The following PLD5 variants were observed in gnomAD, a reference collection of about 807,000 sequenced individuals.
PLD5 encodes the protein inactive phospholipase D5.
PLD5 carries 36 observed loss-of-function variants against 61.1 expected under a neutral mutation model. The ratio of observed to expected loss-of-function variants is 0.59; its 90% CI spans 0.45 to 0.78. The LOEUF is 0.78. PLD5 is among the 30% of genes least tolerant of loss of function. The pLI, the probability that PLD5 is intolerant of heterozygous loss-of-function variation, is 0.00. For missense variants in PLD5, 515 were observed against 644.4 expected (o/e 0.80, Z 2.17); for synonymous variants, 243 against 242.8 (o/e 1.00, Z -0.01).
intron 1 of PLD5, among the ~76,000 whole-genome samples, chr1:242,450,485 T>C (rs1666735803): frequency 6.6e-6 from 1 of 152,212 alleles, no homozygotes; most frequent in African/African-American, 2.4e-5. Flanking sequence ...TGGAGCCTGA[T>C]TTGTTCCAGG....
intron 8 of PLD5, among the ~76,000 whole-genome samples, chr1:242,101,364 A>T (rs1660672449): frequency 6.6e-6 from 1 of 151,914 alleles, no homozygotes; most frequent in Non-Finnish European, 1.5e-5. Flanking sequence ...ACTTTTATTG[A>T]CTCAAAAGGT....
chr1:242,213,225 A>G (rs1669939611), intron 5 of PLD5, among the ~76,000 whole-genome samples: 1 of 152,168 alleles, frequency 6.6e-6, no homozygotes, highest in Non-Finnish European at 1.5e-5. Flanking sequence ...ACAATAATGA[A>G]AGGCCAGCTT....
intron 5 of PLD5, among the ~76,000 whole-genome samples, chr1:242,146,978 G>T (rs1358513041): frequency 6.6e-6 from 1 of 152,148 alleles, no homozygotes; most frequent in East Asian, 1.9e-4. Flanking sequence ...ATTACCATTA[G>T]AAAACCACAG....
At chr1:242,198,422 C>T (rs919477661) in intron 5 of PLD5, among the ~76,000 whole-genome samples, 1 of 151,292 alleles carries the variant, frequency 6.6e-6, no homozygotes, top group Non-Finnish European at 1.5e-5. Context: ...GAAGCAACTC[C>T]CCAGTGACCA....
intron 4 of PLD5, among the ~76,000 whole-genome samples, chr1:242,228,095 G>A (rs547057153): frequency 4.6e-4 from 70 of 152,288 alleles, no homozygotes; most frequent in Non-Finnish European, 8.5e-4. Flanking sequence ...TAACAATGGC[G>A]TGTTCACATT....
intron 5 of PLD5, among the ~76,000 whole-genome samples, chr1:242,200,515 T>C (rs981044272): frequency 6.6e-6 from 1 of 152,168 alleles, no homozygotes; most frequent in Non-Finnish European, 1.5e-5. Context: ...TAAAGAAGGC[T>C]CTCAGCTATG....
At chr1:242,470,354 A>G (rs1357042877) in intron 1 of PLD5, among the ~76,000 whole-genome samples, 5 of 141,350 alleles carry the variant, frequency 3.5e-5, no homozygotes, top group South Asian at 2.2e-4. Flanking sequence ...AGAAAAAAAA[A>G]AAAGAAAGAA....
intron 5 of PLD5, among the ~76,000 whole-genome samples, chr1:242,133,847 C>T (rs550290143): frequency 1.3e-5 from 2 of 152,204 alleles, no homozygotes; most frequent in South Asian, 2.1e-4. Flanking sequence ...AGGAATGGGG[C>T]CTGAGAGTGA....
intron 1 of PLD5, among the ~76,000 whole-genome samples, chr1:242,452,596 G>A (rs1219846858): frequency 9.2e-5 from 14 of 152,094 alleles, no homozygotes; most frequent in Admixed American, 4.6e-4. Flanking sequence ...CGGGTGGATC[G>A]CTTGAGCCCA....
At chr1:242,392,723 C>G (rs543908639) in intron 1 of PLD5, among the ~76,000 whole-genome samples, 1 of 152,052 alleles carries the variant, frequency 6.6e-6, no homozygotes, top group African/African-American at 2.4e-5. Context: ...GGGCCAGAAG[C>G]CTTCAGTGGG....
Position 242,323,021 on chromosome 1 carries a change from C to A in PLD5, c.326+25085G>T, listed in dbSNP as rs541159515. Among the ~76,000 whole-genome samples, 45 of 152,220 alleles carry A rather than the reference C, an allele frequency of 3.0e-4. 1 individual carries two copies. The South Asian group carries it at 8.9e-3, about 30-fold the overall frequency. On this transcript the variant is annotated intron_variant, in intron 2 of 9. Transcript: ENST00000536534. ...CTCTCTCCCACTAGACAATGTCTAA[C>A]CATGCCTGGCATTTAGTCAATAAAT...
rs547535096 is a variant in PLD5, at chr1:242,194,618, G to GTATCTATCTATCTATC, written c.735+25354_735+25369dup. The stretch of plus-strand genomic sequence containing the variant: ...TCTATCTATCTATGTATCTATCTAT[G>GTATCTATCTATCTATC]TATCTATCTATCTATCTATCTATCT... On this transcript the variant is annotated intron_variant, in intron 5 of 9. Transcript: ENST00000536534. 3.6e-3 allele frequency among the ~76,000 whole-genome samples: 366 copies of GTATCTATCTATCTATC among 102,984 alleles called. 1 individual carries two copies. Among genetic ancestry groups the GTATCTATCTATCTATC allele is most frequent in the Non-Finnish European group, 5.4e-3 (278 of 51,214 alleles). 67.6% of individuals were successfully genotyped at this position (102,984 alleles called of 152,430 possible).
chr1:242,377,015 T>G, intron 1 of PLD5: 1 of 1,611,758 alleles, frequency 6.2e-7, no homozygotes, highest in Non-Finnish European at 8.5e-7. Context: ...TTTCAAAAGT[T>G]TTTGCGCACA....
rs954752121 is a variant in PLD5 at position 242,376,595 on chromosome 1, A to T, written c.190-28353T>A. On this transcript the variant is annotated intron_variant, in intron 1 of 9. Coordinates refer to ENST00000536534, the MANE Select transcript of PLD5 (RefSeq NM_001372062.1). ...TCAGGAACTGCCCTTGTTACTAAGA[A>T]CTCTGTTTTAAAGAAACAGTACAAA... Among the ~76,000 whole-genome samples, 63 of 152,184 alleles carry T rather than the reference A, an allele frequency of 4.1e-4. 1 individual carries two copies. The highest frequency in any genetic ancestry group is 1.3e-3 in the African/African-American group (53 of 41,448).
intron 5 of PLD5, among the ~76,000 whole-genome samples, chr1:242,199,492 T>C (rs901005595): frequency 2.6e-5 from 4 of 152,152 alleles, no homozygotes; most frequent in African/African-American, 9.7e-5. Context: ...TGGCCTCAAG[T>C]GATCTGCCTG....
intron 2 of PLD5, among the ~76,000 whole-genome samples, chr1:242,347,357 G>A (rs927091480): frequency 2.6e-5 from 4 of 152,012 alleles, no homozygotes; most frequent in African/African-American, 9.7e-5. Flanking sequence ...GTAATTTAGT[G>A]GCCTCACTTC....
At chr1:242,276,039 G>GA (rs1251716374) in intron 3 of PLD5, among the ~76,000 whole-genome samples, 1 of 152,004 alleles carries the variant, frequency 6.6e-6, no homozygotes, top group South Asian at 2.1e-4. Flanking sequence ...CAATTGCAAT[G>GA]AAAAAAAACT....
chr1:242,369,149 A>C (rs1473153802), intron 1 of PLD5, among the ~76,000 whole-genome samples: 1 of 152,212 alleles, frequency 6.6e-6, no homozygotes, highest in Non-Finnish European at 1.5e-5. Context: ...TATTCAAAGA[A>C]ATATAGAAAG....
intron 1 of PLD5, among the ~76,000 whole-genome samples, chr1:242,443,237 T>C (rs1666356864): frequency 6.6e-6 from 1 of 152,194 alleles, no homozygotes; most frequent in African/African-American, 2.4e-5. Context: ...TATTTTGTTT[T>C]TACTATTGAA....
Sources: allele counts gnomAD v4.1 joint callset (sites outside exome capture counted in the v4.1 genomes callset), GRCh38; gene constraint gnomAD v4.1.1; transcripts MANE v1.5; gene names NCBI Gene and HGNC (gene_info 2026-07-23, HGNC 2026-07-21).